TIMELESS: variants seen among roughly 807,000 people sequenced by gnomAD.
The protein encoded by TIMELESS is protein timeless homolog.
Under a neutral mutation model 164.3 loss-of-function variants are expected in TIMELESS, and 124 were observed. That is an observed-to-expected ratio of 0.75 (90% confidence interval 0.65 to 0.88). The LOEUF (loss-of-function observed/expected upper bound fraction) is 0.88, where lower values mean the gene tolerates loss of function less well. Ranked by LOEUF, TIMELESS falls within the 40% of genes least tolerant of loss-of-function variation. TIMELESS has a pLI of 0.00. For missense variants in TIMELESS, 1,422 were observed against 1,491.4 expected, an observed-to-expected ratio of 0.95 and a Z score of 0.77; for synonymous variants, 564 against 563.4, an observed-to-expected ratio of 1.00 and a Z score of -0.02.
At chr12:56,443,045 T>C (rs977083796) in intron 1 of TIMELESS, among the ~76,000 whole-genome samples, 1 of 152,206 alleles carries the variant, frequency 6.6e-6, no homozygotes, top group East Asian at 1.9e-4. Context: ...ACAAATTGTT[T>C]GTAAAACGTG....
chr12:56,423,957 A>C, intron 15 of TIMELESS, 63 bp from the exon 16 acceptor site: 2 of 1,396,904 alleles, frequency 1.4e-6, no homozygotes, highest in Non-Finnish European at 2.0e-6. Context: ...TTATAATTCG[A>C]AGTAGAAGAA....
chr12:56,428,343 C>T lies in TIMELESS; in HGVS notation c.1471G>A (p.Glu491Lys), dbSNP rs758685154. 3.1e-6 allele frequency: 5 copies of T among 1,613,488 alleles called. No individual in the cohort carries two copies. The highest frequency in any genetic ancestry group is 3.4e-6 in the Non-Finnish European group (4 of 1,179,486). Residue 491 changes from glutamate to lysine, a missense_variant, in exon 13 of 29, where the codon GAG becomes AAG. Glu to Lys is a moderately conservative substitution (Grantham distance 56, BLOSUM62 1). Coordinates refer to ENST00000553532, the MANE Select transcript of TIMELESS (RefSeq NM_003920.5). ...AGGAAAGAGCGGGGCTGGCATCTCT[C>T]ATCAAACTTTCGAAAAAGTGCCAGG... The part of the protein sequence containing the change: ...LFLALFRKFD[E>K]RCQPRSFLRD...
At position 56,430,285 on chromosome 12, in the gene TIMELESS, GGT is replaced by G; in HGVS notation, c.910-6_910-5del. 1 of 1,610,984 alleles carries G rather than the reference GGT, an allele frequency of 6.2e-7. No individual in the cohort carries two copies. The highest frequency in any genetic ancestry group is 1.1e-5 in the South Asian group (1 of 90,668). Reference sequence around the variant, plus strand: ...AATCTGAACTGTAGTTTCGTAGCTGGGTGTGTCGGTTGGGGGATTAGAATTAC... The same window carrying G: ...AATCTGAACTGTAGTTTCGTAGCTGGGTGTCGGTTGGGGGATTAGAATTAC... On this transcript the variant is annotated splice_region_variant and splice_polypyrimidine_tract_variant and intron_variant, in intron 9 of 28. Transcript: ENST00000553532.
At position 56,422,973 on chromosome 12, in the gene TIMELESS, T is replaced by G; in HGVS notation, c.2312A>C (p.Lys771Thr). ...TGCAAAAAATTTGCCCAGGATGTAT[T>G]TGGCAAAAGTCACTAGCTCCTGTAG... The part of the protein sequence containing the change: ...GAYKELVTFA[K>T]YILGKFFALA... Residue 771 changes from lysine to threonine, a missense_variant, in exon 19 of 29, where the codon AAA (lysine) becomes ACA (threonine). Coordinates refer to ENST00000553532, the MANE Select transcript of TIMELESS (RefSeq NM_003920.5). 1 of 1,613,912 alleles carries G rather than the reference T, an allele frequency of 6.2e-7. No homozygotes were observed. The highest frequency in any genetic ancestry group is 8.5e-7 in the Non-Finnish European group (1 of 1,179,966).
chr12:56,429,233 C>T, intron 10 of TIMELESS, 133 bp from the exon 11 acceptor site: 1 of 752,746 alleles, frequency 1.3e-6, no homozygotes, highest in Non-Finnish European at 2.1e-6. Flanking sequence ...GAGTCTCACT[C>T]TATTGCCCAG....
At position 56,422,350 on chromosome 12, in the gene TIMELESS, C is replaced by T. The variant is rs980626688; in HGVS notation, c.2439-159G>A. 4.2e-5 allele frequency: 26 copies of T among 614,650 alleles called. No individual in the cohort carries two copies. The South Asian group carries it at 5.5e-4, about 13-fold the overall frequency. The allele number at this position is 614,650 out of a possible 1,614,324, so 38.1% of individuals were successfully genotyped here. The stretch of plus-strand genomic sequence containing the variant: ...CCTACAGTGTGCCTCCTTCCCCTCA[C>T]TTTCCTTCCACGTAAGAACCTAAAA... On this transcript the variant is annotated intron_variant, in intron 19 of 28. Coordinates refer to ENST00000553532, the MANE Select transcript of TIMELESS (RefSeq NM_003920.5).
chr12:56,417,760 G>A lies in TIMELESS; in HGVS notation c.3583C>T (p.Gln1195Ter). The A allele has an allele frequency of 6.2e-7, 1 of 1,614,096 alleles. No individual in the cohort carries two copies. The highest frequency in any genetic ancestry group is 8.5e-7 in the Non-Finnish European group (1 of 1,180,018). ...TCAATCTGGTATCGTTTCTTCTTTTGGATTCCTGGAGCTCCCAACTCTGGT... is the reference window on the plus strand; with the variant it reads ...TCAATCTGGTATCGTTTCTTCTTTTAGATTCCTGGAGCTCCCAACTCTGGT... ...RAPELGAPGI[Q>*]KKKRYQIEDD... is the part of the protein sequence containing the mutation. Residue 1195 changes from glutamine to a stop codon, truncating the protein, a stop_gained, in exon 29 of 29, where the codon CAA (glutamine) becomes TAA (stop). Transcript: ENST00000553532. LOFTEE classifies it high-confidence loss of function.
chr12:56,421,103 C>G lies in TIMELESS; in HGVS notation c.2900G>C (p.Cys967Ser). 2 of 1,614,062 alleles carry G rather than the reference C, an allele frequency of 1.2e-6. No homozygotes were observed. The highest frequency in any genetic ancestry group is 1.7e-6 in the Non-Finnish European group (2 of 1,180,018). The change falls in exon 24 of 29, where the codon TGC becomes TCC. Residue 967 changes from cysteine (C) to serine (S), a missense_variant. Physicochemically the swap from Cys to Ser is moderately radical, Grantham distance 112 (BLOSUM62 -1). Coordinates refer to ENST00000553532, the MANE Select transcript of TIMELESS (RefSeq NM_003920.5). Reference sequence around the variant, plus strand: ...TTCCTCTTCTTCCAGATCTTCCTGGCAAAAATCTTTCAGGGACTCCGCTCC... The same window carrying G: ...TTCCTCTTCTTCCAGATCTTCCTGGGAAAAATCTTTCAGGGACTCCGCTCC... ...PNGAESLKDF[C>S]QEDLEEEENL... is the part of the protein sequence containing the mutation.
At chr12:56,433,468 A>C (rs1401377507) in intron 4 of TIMELESS, 25 bp from the exon 5 acceptor site, 1 of 1,614,000 alleles carries the variant, frequency 6.2e-7, no homozygotes, top group African/African-American at 1.3e-5. Context: ...ACCTGATCTT[A>C]AGTAGCAGTC....
rs756444124 is a variant in TIMELESS at position 56,433,104 on chromosome 12, T to A, written c.453A>T (p.Glu151Asp). ...GGATCCGTTCAATCAGCAAGTTGTC[T>A]TCCTCCTGCCGTTCCTCCCAGCCCT... ...LQLGWEERQE[E>D]DNLLIERILL... is the part of the protein sequence containing the mutation. The change falls in exon 6 of 29, where the codon GAA becomes GAT. Residue 151 changes from glutamate (E) to aspartate (D), a missense_variant. Coordinates refer to ENST00000553532, the MANE Select transcript of TIMELESS (RefSeq NM_003920.5). 1 of 1,614,156 alleles carries A rather than the reference T, an allele frequency of 6.2e-7. No individual in the cohort carries two copies. The highest frequency in any genetic ancestry group is 8.5e-7 in the Non-Finnish European group (1 of 1,180,024).
Position 56,423,339 on chromosome 12 carries a change from A to G in TIMELESS, c.2227T>C (p.Phe743Leu). The change falls in exon 18 of 29, where the codon TTT becomes CTT. Residue 743 changes from phenylalanine (F) to leucine (L), a missense_variant. By Grantham distance (22) the Phe-to-Leu change is conservative. Transcript: ENST00000553532. ...AHDLKMEALL[F>L]QLSVFCLFNR... ...AAGAGGCAGAAGACTGACAGCTGAA[A>G]AAGTAGGGCTTCCATTTTGAGGTCA... 1 of 1,614,178 alleles carries G rather than the reference A, an allele frequency of 6.2e-7. No homozygotes were observed. Among genetic ancestry groups the G allele is most frequent in the Non-Finnish European group, 8.5e-7 (1 of 1,180,040 alleles).
intron 26 of TIMELESS, 123 bp from the exon 27 acceptor site, chr12:56,418,482 T>G (rs1490266004): frequency 1.5e-6 from 1 of 677,198 alleles, no homozygotes; most frequent in African/African-American, 1.8e-5. Context: ...ACTCTATTTA[T>G]TATAATACTT....
intron 6 of TIMELESS, 67 bp from the exon 7 acceptor site, chr12:56,432,591 C>G: frequency 6.4e-7 from 1 of 1,565,200 alleles, no homozygotes; most frequent in Non-Finnish European, 8.7e-7. Context: ...TTGAAGCTCT[C>G]CAACTCATTC....
chr12:56,421,675 T>C (rs1881494922), intron 22 of TIMELESS, 52 bp downstream of exon 22: 4 of 1,594,710 alleles, frequency 2.5e-6, no homozygotes, highest in South Asian at 1.1e-5. Flanking sequence ...CCAAAATAAA[T>C]GGATAGCTTG....
intron 26 of TIMELESS, among the ~76,000 whole-genome samples, chr12:56,419,488 C>G (rs898379504): frequency 1.0e-3 from 33 of 31,716 alleles, no homozygotes; most frequent in Non-Finnish European, 2.4e-3. Flanking sequence ...GTGTGTGTGT[C>G]ACCCTGTGTG....
chr12:56,418,558 T>A (rs1881349257), intron 26 of TIMELESS, among the ~76,000 whole-genome samples, 199 bp from the exon 27 acceptor site: 1 of 151,546 alleles, frequency 6.6e-6, no homozygotes, highest in East Asian at 1.9e-4. Flanking sequence ...CAGTTATAGG[T>A]TTTTTTGGTT....
At position 56,438,542 on chromosome 12, in the gene TIMELESS, C is replaced by T. The variant is rs567945268; in HGVS notation, c.-61-4311G>A. 1.7e-3 allele frequency among the ~76,000 whole-genome samples: 259 copies of T among 151,340 alleles called. 1 individual carries two copies. The highest frequency in any genetic ancestry group is 3.3e-3 in the Non-Finnish European group (225 of 67,708). On this transcript the variant is annotated intron_variant, in intron 1 of 28. Coordinates refer to ENST00000553532, the MANE Select transcript of TIMELESS (RefSeq NM_003920.5). ...ATCCCAGTACTTTGGGAGGCCAAGG[C>T]GGGAGGATCACTTGAGCCCAGGAGT...
At chr12:56,426,634 A>G (rs974472766) in intron 13 of TIMELESS, among the ~76,000 whole-genome samples, 8 of 152,058 alleles carry the variant, frequency 5.3e-5, no homozygotes, top group Non-Finnish European at 1.0e-4. Flanking sequence ...ATCTTGGCTC[A>G]CTGCAACCTC....
rs1555177856 is a variant in TIMELESS at position 56,432,973 on chromosome 12, A to AG, written c.531+52_531+53insC. 3,943 of 1,226,842 alleles carry AG rather than the reference A, an allele frequency of 3.2e-3. 14 individuals are homozygous for AG. The highest frequency in any genetic ancestry group is 4.8e-3 in the Admixed American group (197 of 41,266). The allele number at this position is 1,226,842 out of a possible 1,614,324, so 76.0% of individuals were successfully genotyped here. A position where few individuals can be genotyped will look rare whatever the true frequency, so the allele number is the denominator to read the frequency against. On this transcript the variant is annotated intron_variant, in intron 6 of 28. Coordinates refer to ENST00000553532, the MANE Select transcript of TIMELESS (RefSeq NM_003920.5). ...CGTCTCAAAAAAAAAAAAAAAAAAA[A>AG]AGGCAGCTCAACCTAACCATGCACA...
Sources: gnomAD v4.1 joint callset for allele counts (sites outside exome capture counted in the v4.1 genomes callset) on GRCh38, gnomAD v4.1.1 for gene constraint, MANE v1.5 for transcripts, NCBI Gene and HGNC (gene_info 2026-07-23, HGNC 2026-07-21) for gene names.